ILF2: variants seen among roughly 807,000 people sequenced by gnomAD.
The protein encoded by ILF2 is interleukin enhancer binding factor 2.
In ILF2, 9 loss-of-function variants were observed where a neutral mutation model predicts 55.3. That is an observed-to-expected ratio of 0.16 (90% confidence interval 0.10 to 0.28). ILF2 has a LOEUF of 0.28. Ranked by LOEUF, ILF2 falls within the 10% of genes least tolerant of loss-of-function variation. The pLI, the probability that ILF2 is intolerant of heterozygous loss-of-function variation, is 1.00. For synonymous variants in ILF2, 151 were observed against 161.8 expected (o/e 0.93, Z 0.50); for missense variants, 266 against 474.9 (o/e 0.56, Z 4.09).
rs76208929 is a variant in ILF2 at position 153,664,197 on chromosome 1, T to C, written c.657-67A>G. The C allele has an allele frequency of 4.5e-3, 4,832 of 1,078,690 alleles. 148 individuals carry two copies. The African/African-American group carries it at 0.066, about 15-fold the overall frequency. The allele number at this position is 1,078,690 out of a possible 1,614,324, so 66.8% of individuals were successfully genotyped here. ...ATGTATTTCCATGCCTAAGGTAGAA[T>C]TGAAGCTGACTATGCTATTTCCAGA... is the stretch of plus-strand genomic sequence containing the variant. On this transcript the variant is annotated intron_variant, in intron 9 of 13. Transcript: ENST00000361891.
In ILF2 at chr1:153,662,498, A is replaced by G; in HGVS notation, c.1071T>C (p.Ala357=). The stretch of plus-strand genomic sequence containing the variant: ...CCTTCTTCTCTGGTGGCTTCTCATA[A>G]GCCTTTTCTGAAGGTGTTACTATCA... ...DGVIVTPSEK[A]YEKPPEKKEG... is the part of the protein sequence containing the mutation. The change falls in exon 14 of 14, where the codon GCT becomes GCC. Residue 357 remains alanine, a synonymous_variant. Coordinates refer to ENST00000361891, the MANE Select transcript of ILF2 (RefSeq NM_004515.4). The G allele has an allele frequency of 6.2e-7, 1 of 1,614,054 alleles. No homozygotes were observed.
chr1:153,667,372 G>C (rs1669337668), intron 6 of ILF2, 183 bp downstream of exon 6: 1 of 630,720 alleles, frequency 1.6e-6, no homozygotes, highest in Non-Finnish European at 2.8e-6. Context: ...CAGCTACTCG[G>C]GAGGCTAAGG....
At chr1:153,668,930 G>A (rs1241502412) in intron 3 of ILF2, among the ~76,000 whole-genome samples, 1 of 151,860 alleles carries the variant, frequency 6.6e-6, no homozygotes, top group East Asian at 1.9e-4. Flanking sequence ...GCCAGGCACA[G>A]TGGGTCACGC....
intron 3 of ILF2, 148 bp from the exon 4 acceptor site, chr1:153,668,705 G>A (rs1402972800): frequency 1.1e-6 from 1 of 938,208 alleles, no homozygotes; most frequent in Non-Finnish European, 1.6e-6. Context: ...AGCTGGGCGT[G>A]GTGGCTCACA....
rs1234571422 is a variant in ILF2, at chr1:153,670,975, G to A, written c.-53C>T. The stretch of plus-strand genomic sequence containing the variant: ...CCGCACCAACCGCCCCTTCCTCTGA[G>A]TAGCAGACAACTGAAGAGGCGTCTT... On this transcript the variant is annotated 5_prime_UTR_variant, in exon 1 of 14. Coordinates refer to ENST00000361891, the MANE Select transcript of ILF2 (RefSeq NM_004515.4). 1 of 1,612,824 alleles carries A rather than the reference G, an allele frequency of 6.2e-7. No individual in the cohort carries two copies. Among genetic ancestry groups the A allele is most frequent in the African/African-American group, 1.3e-5 (1 of 74,902 alleles).
intron 8 of ILF2, 30 bp from the exon 9 acceptor site, chr1:153,664,504 G>GA (rs768000617): frequency 1.2e-5 from 19 of 1,550,308 alleles, no homozygotes; most frequent in Non-Finnish European, 1.7e-5. Flanking sequence ...ATGCCAGGAT[G>GA]AAACATTTTC....
intron 3 of ILF2, among the ~76,000 whole-genome samples, chr1:153,669,036 C>A (rs1669380777): frequency 6.6e-6 from 1 of 152,052 alleles, no homozygotes; most frequent in African/African-American, 2.4e-5. Flanking sequence ...GAAACCCCGT[C>A]TCTACTAAAC....
In ILF2 at chr1:153,662,183, T is replaced by C; in HGVS notation, c.*213A>G. ...AGAATATTAGGAAGAAATGTTGGTATCCTCCATTATAGATGGATGGCATAG... is the reference window on the plus strand; with the variant it reads ...AGAATATTAGGAAGAAATGTTGGTACCCTCCATTATAGATGGATGGCATAG... On this transcript the variant is annotated 3_prime_UTR_variant, in exon 14 of 14. Coordinates refer to ENST00000361891, the MANE Select transcript of ILF2 (RefSeq NM_004515.4). 1.9e-6 allele frequency: 1 copy of C among 526,622 alleles called. No individual in the cohort carries two copies. Among genetic ancestry groups the C allele is most frequent in the Non-Finnish European group, 3.4e-6 (1 of 297,684 alleles). 32.6% of individuals were successfully genotyped at this position (526,622 alleles called of 1,614,324 possible).
At position 153,667,670 on chromosome 1, in the gene ILF2, G is replaced by T. The variant is rs1385455527; in HGVS notation, c.292-13C>A. 6 of 1,561,874 alleles carry T rather than the reference G, an allele frequency of 3.8e-6. No individual in the cohort carries two copies. The South Asian group carries it at 6.8e-5, about 18-fold the overall frequency. ...CTTCTTCAATTTGCTGTTGGAAAAA[G>T]GATTTCGGGGAAAAACAATTTAGAA... On this transcript the variant is annotated splice_polypyrimidine_tract_variant and intron_variant, in intron 5 of 13. Coordinates refer to ENST00000361891, the MANE Select transcript of ILF2 (RefSeq NM_004515.4).
intron 10 of ILF2, 41 bp downstream of exon 10, chr1:153,664,002 A>C (rs1258129442): frequency 9.3e-7 from 1 of 1,078,296 alleles, no homozygotes; most frequent in Non-Finnish European, 1.4e-6. Flanking sequence ...CTACTAGTAA[A>C]TAAGGATGAT....
intron 7 of ILF2, 85 bp from the exon 8 acceptor site, chr1:153,665,421 G>A: frequency 1.1e-6 from 1 of 932,722 alleles, no homozygotes; most frequent in South Asian, 1.4e-5. Context: ...GGAACAGGTG[G>A]ATTTTTTAAA....
rs762247904 is a variant in ILF2, at chr1:153,663,041, G to A, written c.899C>T (p.Thr300Ile). The A allele has an allele frequency of 6.2e-7, 1 of 1,613,812 alleles. No homozygotes were observed. The highest frequency in any genetic ancestry group is 1.7e-5 in the Admixed American group (1 of 60,018). Residue 300 changes from threonine to isoleucine, a missense_variant, in exon 12 of 14, where the codon ACA becomes ATA. By Grantham distance (89) the Thr-to-Ile change is moderately conservative. Coordinates refer to ENST00000361891, the MANE Select transcript of ILF2 (RefSeq NM_004515.4). ...TACCTGCTGTTCTAGGGTCATGACT[G>A]TGTGTACTCTAAAGTTGCCACTCTC... ...PCESGNFRVH[T>I]VMTLEQQDMV...
At chr1:153,669,046 CAG>C (rs1478775015) in intron 3 of ILF2, among the ~76,000 whole-genome samples, 1 of 151,902 alleles carries the variant, frequency 6.6e-6, no homozygotes, top group Non-Finnish European at 1.5e-5. Flanking sequence ...CTCTACTAAA[CAG>C]ACATACAAAA....
chr1:153,662,663 CA>C, intron 13 of ILF2, 41 bp downstream of exon 13: 1 of 1,584,106 alleles, frequency 6.3e-7, no homozygotes, highest in African/African-American at 1.3e-5. Context: ...TTCTCTGTAC[CA>C]GATTACAATA....
chr1:153,664,318 G>C, intron 9 of ILF2, 78 bp downstream of exon 9: 1 of 1,244,320 alleles, frequency 8.0e-7, no homozygotes, highest in Non-Finnish European at 1.2e-6. Context: ...AGTTCTGTCA[G>C]AGGAAGTATG....
chr1:153,669,925 C>T (rs1405281000), intron 2 of ILF2, 47 bp from the exon 3 acceptor site: 12 of 1,504,450 alleles, frequency 8.0e-6, no homozygotes, highest in Middle Eastern at 1.7e-4. Context: ...AGGAATCAAG[C>T]GAGATGTAAA....
intron 10 of ILF2, 46 bp from the exon 11 acceptor site, chr1:153,663,322 C>T: frequency 1.3e-6 from 2 of 1,547,704 alleles, no homozygotes; most frequent in African/African-American, 1.4e-5. Flanking sequence ...AATGGCACTT[C>T]TGATAACTAG....
chr1:153,662,047 G>A lies in ILF2; in HGVS notation c.*349C>T. The A allele has an allele frequency of 5.5e-6, 1 of 183,336 alleles. No homozygotes were observed. The highest frequency in any genetic ancestry group is 1.1e-5 in the Non-Finnish European group (1 of 87,400). 11.4% of individuals were successfully genotyped at this position (183,336 alleles called of 1,614,324 possible). On this transcript the variant is annotated 3_prime_UTR_variant, in exon 14 of 14. Transcript: ENST00000361891. ...GAAAGACCAAGAGCCCTACTAGGAAGTACTTTAATAGTTTTTCTTAGAAAA... is the reference window on the plus strand; with the variant it reads ...GAAAGACCAAGAGCCCTACTAGGAAATACTTTAATAGTTTTTCTTAGAAAA...
chr1:153,662,064 C>CTT lies in ILF2; in HGVS notation c.*330_*331dup. On this transcript the variant is annotated 3_prime_UTR_variant, in exon 14 of 14. Transcript: ENST00000361891. ...ACTAGGAAGTACTTTAATAGTTTTT[C>CTT]TTAGAAAAAAAAATTTCCAGACACT... The CTT allele has an allele frequency of 5.1e-6, 1 of 197,872 alleles. No individual in the cohort carries two copies. Among genetic ancestry groups the CTT allele is most frequent in the Admixed American group, 5.4e-5 (1 of 18,486 alleles). The allele number at this position is 197,872 out of a possible 1,614,324, so 12.3% of individuals were successfully genotyped here. A position where few individuals can be genotyped will look rare whatever the true frequency, so the allele number is the denominator to read the frequency against.
Sources: gnomAD v4.1 joint callset for allele counts (sites outside exome capture counted in the v4.1 genomes callset) on GRCh38, gnomAD v4.1.1 for gene constraint, MANE v1.5 for transcripts, NCBI Gene and HGNC (gene_info 2026-07-23, HGNC 2026-07-21) for gene names.